Variants in ROR2 observed in about 807,000 individuals in gnomAD.
The protein encoded by ROR2 is tyrosine-protein kinase transmembrane receptor ROR2.
In ROR2, 33 loss-of-function variants were observed where a neutral mutation model predicts 74.9. That is an observed-to-expected ratio of 0.44 (90% CI 0.33 to 0.59). ROR2 has a LOEUF of 0.59. ROR2 is among the 20% of genes least tolerant of loss of function. The pLI is 0.02. For missense variants in ROR2, 1,216 were observed against 1,313.8 expected (o/e 0.93, Z 1.15); for synonymous variants, 586 against 558.7 (o/e 1.05, Z -0.69).
intron 1 of ROR2, among the ~76,000 whole-genome samples, chr9:91,917,885 C>T (rs186183802): frequency 6.6e-6 from 1 of 152,322 alleles, no homozygotes; most frequent in East Asian, 1.9e-4. Flanking sequence ...GATAGTGAGG[C>T]AGCTTTATAA....
At chr9:91,907,472 C>T (rs144265489) in intron 1 of ROR2, among the ~76,000 whole-genome samples, 6 of 152,272 alleles carry the variant, frequency 3.9e-5, no homozygotes, top group South Asian at 2.1e-4. Flanking sequence ...GATATCAGCA[C>T]GTTAAACCCT....
chr9:91,761,391 G>A (rs1228637343), intron 2 of ROR2, among the ~76,000 whole-genome samples: 2 of 128,632 alleles, frequency 1.6e-5, no homozygotes, highest in African/African-American at 5.8e-5. Flanking sequence ...TGGGAGCCCT[G>A]AGCTTGTTCT....
At chr9:91,805,040 T>C (rs958651623) in intron 1 of ROR2, among the ~76,000 whole-genome samples, 1 of 152,222 alleles carries the variant, frequency 6.6e-6, no homozygotes, top group Non-Finnish European at 1.5e-5. Flanking sequence ...AGGACGAAAG[T>C]AGTATTTAAT....
Position 91,786,350 on chromosome 9 carries a change from A to G in ROR2, c.98-10532T>C, listed in dbSNP as rs199868440. Among the ~76,000 whole-genome samples, 542 of 80,402 alleles carry G rather than the reference A, an allele frequency of 6.7e-3. 3 individuals are homozygous for G. Among genetic ancestry groups the G allele is most frequent in the African/African-American group, 0.018 (514 of 28,122 alleles). 52.7% of individuals were successfully genotyped at this position (80,402 alleles called of 152,430 possible). ...AATCAATCAATCAATCAATCAATCA[A>G]TAAGTAAATAAATAAATAAATAAAT... is the stretch of plus-strand genomic sequence containing the variant. On this transcript the variant is annotated intron_variant, in intron 1 of 8. Coordinates refer to ENST00000375708, the MANE Select transcript of ROR2 (RefSeq NM_004560.4).
At chr9:91,822,431 T>G (rs1370543228) in intron 1 of ROR2, among the ~76,000 whole-genome samples, 1 of 152,162 alleles carries the variant, frequency 6.6e-6, no homozygotes, top group Non-Finnish European at 1.5e-5. Context: ...GGCACCTGCT[T>G]CCAGGGCTCC....
intron 1 of ROR2, among the ~76,000 whole-genome samples, chr9:91,820,605 T>C (rs1426406746): frequency 2.0e-5 from 3 of 152,186 alleles, no homozygotes; most frequent in African/African-American, 7.2e-5. Context: ...GCAATGCTGT[T>C]TCACAGTCAG....
intron 1 of ROR2, among the ~76,000 whole-genome samples, chr9:91,936,946 C>T (rs904866465): frequency 2.9e-5 from 4 of 139,504 alleles, no homozygotes; most frequent in South Asian, 2.3e-4. Context: ...AGGGGAATGG[C>T]GTGAACCCGG....
chr9:91,724,599 G>C lies in ROR2; in HGVS notation c.1895C>G (p.Ser632Ter), dbSNP rs1477900208. The change falls in exon 9 of 9, where the codon TCA (serine) becomes TGA (stop). Residue 632 changes from serine (S) to a stop codon, truncating the protein, a stop_gained. Transcript: ENST00000375708. LOFTEE classifies it high-confidence loss of function. ...LVYDKLNVKI[S>*]DLGLFREVYA... ...CACCTCTCGGAAGAGGCCCAAGTCT[G>C]AGATCTTCACGTTCAGCTTGTCGTA... is the stretch of plus-strand genomic sequence containing the variant. 1 of 1,614,212 alleles carries C rather than the reference G, an allele frequency of 6.2e-7. No individual in the cohort carries two copies.
intron 1 of ROR2, among the ~76,000 whole-genome samples, chr9:91,934,751 A>G (rs1831639362): frequency 6.6e-6 from 1 of 152,242 alleles, no homozygotes. Context: ...TTTAGAAAAC[A>G]GCAACAACAA....
intron 2 of ROR2, among the ~76,000 whole-genome samples, chr9:91,764,682 C>T (rs796459963): frequency 5.3e-5 from 8 of 152,228 alleles, no homozygotes; most frequent in African/African-American, 1.9e-4. Flanking sequence ...TTGAGATCTA[C>T]CAACTTCTTT....
intron 1 of ROR2, among the ~76,000 whole-genome samples, chr9:91,776,480 C>G (rs1170153537): frequency 6.6e-6 from 1 of 152,200 alleles, no homozygotes; most frequent in African/African-American, 2.4e-5. Flanking sequence ...TCCCTGCAAA[C>G]CATACACCTC....
intron 6 of ROR2, 127 bp downstream of exon 6, chr9:91,732,995 G>A: frequency 1.0e-6 from 1 of 968,310 alleles, no homozygotes; most frequent in Non-Finnish European, 1.5e-6. Context: ...GCCCTCGGCT[G>A]CTAAGGGGGT....
intron 1 of ROR2, among the ~76,000 whole-genome samples, chr9:91,885,187 A>G (rs1483774032): frequency 2.0e-5 from 3 of 152,206 alleles, no homozygotes; most frequent in Non-Finnish European, 4.4e-5. Context: ...ATCAAACCCA[A>G]GGAAACTCCT....
At chr9:91,864,649 A>G (rs1196666520) in intron 1 of ROR2, among the ~76,000 whole-genome samples, 1 of 152,214 alleles carries the variant, frequency 6.6e-6, no homozygotes, top group African/African-American at 2.4e-5. Flanking sequence ...CTCTCCTTCC[A>G]TATGTGAGTC....
intron 1 of ROR2, among the ~76,000 whole-genome samples, chr9:91,836,338 G>A (rs1587767176): frequency 6.6e-6 from 1 of 152,082 alleles, no homozygotes; most frequent in Non-Finnish European, 1.5e-5. Flanking sequence ...TCAGGAGTTC[G>A]AAGCCAGCCT....
chr9:91,838,448 C>T (rs911325040), intron 1 of ROR2, among the ~76,000 whole-genome samples: 4 of 152,190 alleles, frequency 2.6e-5, no homozygotes, highest in South Asian at 4.1e-4. Context: ...AGTCATGCCA[C>T]GCCTGGTCAC....
intron 2 of ROR2, among the ~76,000 whole-genome samples, chr9:91,766,775 G>A (rs1270933833): frequency 1.3e-5 from 2 of 152,198 alleles, no homozygotes; most frequent in Non-Finnish European, 2.9e-5. Flanking sequence ...AAGGAGCCAG[G>A]CATGGCTGAC....
intron 4 of ROR2, among the ~76,000 whole-genome samples, chr9:91,746,869 TG>T (rs1825438574): frequency 6.6e-6 from 1 of 151,928 alleles, no homozygotes; most frequent in African/African-American, 2.4e-5. Context: ...TGTGTGTGTG[TG>T]TGTGTGTGTG....
intron 4 of ROR2, among the ~76,000 whole-genome samples, chr9:91,750,891 C>T (rs1251731565): frequency 2.0e-5 from 3 of 152,180 alleles, no homozygotes; most frequent in Non-Finnish European, 4.4e-5. Flanking sequence ...TGTTCAACCT[C>T]ACTATTTACT....
Sources: allele counts gnomAD v4.1 joint callset (sites outside exome capture counted in the v4.1 genomes callset), GRCh38; gene constraint gnomAD v4.1.1; transcripts MANE v1.5; gene names NCBI Gene and HGNC (gene_info 2026-07-23, HGNC 2026-07-21).